The following TNFRSF8 variants were observed in gnomAD, a reference collection of about 807,000 sequenced individuals.
TNFRSF8 encodes TNF receptor superfamily member 8, also known as tumor necrosis factor receptor superfamily member 8.
A neutral mutation model predicts 70.8 loss-of-function variants in TNFRSF8; 26 were observed. The observed-to-expected ratio is 0.37, with a 90% CI of 0.27 to 0.51. The LOEUF (loss-of-function observed/expected upper bound fraction) is 0.51. Ranked by LOEUF, TNFRSF8 falls within the 20% of genes least tolerant of loss-of-function variation. TNFRSF8 has a pLI of 0.94. For synonymous variants in TNFRSF8, 356 were observed against 339.2 expected, an observed-to-expected ratio of 1.05 and a Z score of -0.54; for missense variants, 720 against 807.9, an observed-to-expected ratio of 0.89 and a Z score of 1.32.
At chr1:12,076,100 TTTC>T (rs1405368743) in intron 1 of TNFRSF8, among the ~76,000 whole-genome samples, 1,528 of 89,894 alleles carry the variant, frequency 0.017, 43 homozygotes, top group African/African-American at 0.13. Flanking sequence ...TTTTTTTCTT[TTTC>T]TTTTTTTTTT....
At chr1:12,105,140 G>C (rs1045091346) in intron 4 of TNFRSF8, among the ~76,000 whole-genome samples, 2 of 152,152 alleles carry the variant, frequency 1.3e-5, no homozygotes, top group African/African-American at 2.4e-5. Context: ...GAGTGGGTGG[G>C]CTTTGGAGCA....
intron 10 of TNFRSF8, 37 bp from the exon 11 acceptor site, chr1:12,125,914 A>T (rs914314783): frequency 6.4e-7 from 1 of 1,566,160 alleles, no homozygotes; most frequent in African/African-American, 1.4e-5. Context: ...GTGTGGTTGC[A>T]GCAAGGCAAA....
At chr1:12,093,409 G>A (rs1016764377) in intron 2 of TNFRSF8, among the ~76,000 whole-genome samples, 3 of 152,190 alleles carry the variant, frequency 2.0e-5, no homozygotes, top group African/African-American at 7.2e-5. Flanking sequence ...CACAGTGTGA[G>A]GCCTGGGAGT....
At position 12,123,329 on chromosome 1, in the gene TNFRSF8, C is replaced by T. The variant is rs748368945; in HGVS notation, c.992C>T (p.Thr331Ile). Residue 331 changes from threonine (T) to isoleucine (I), a missense_variant, in exon 9 of 15, where the codon ACC (threonine) becomes ATC (isoleucine). Transcript: ENST00000263932. ...DTTFEAPPLG[T>I]QPDCNPTPEN... Reference sequence around the variant, plus strand: ...ACCTTTGAGGCGCCACCCCTGGGGACCCAGCCGGACTGCAACCCCACCCCA... The same window carrying T: ...ACCTTTGAGGCGCCACCCCTGGGGATCCAGCCGGACTGCAACCCCACCCCA... The T allele has an allele frequency of 5.0e-6, 8 of 1,613,312 alleles. No individual in the cohort carries two copies. Among genetic ancestry groups the T allele is most frequent in the Non-Finnish European group, 6.8e-6 (8 of 1,179,818 alleles).
At chr1:12,076,506 C>A (rs969125746) in intron 1 of TNFRSF8, among the ~76,000 whole-genome samples, 1 of 152,168 alleles carries the variant, frequency 6.6e-6, no homozygotes, top group Admixed American at 6.6e-5. Flanking sequence ...GCTTGCCTGT[C>A]CCTGAGTTCC....
At chr1:12,127,384 C>T (rs1002267999) in intron 12 of TNFRSF8, among the ~76,000 whole-genome samples, 1 of 152,256 alleles carries the variant, frequency 6.6e-6, no homozygotes, top group African/African-American at 2.4e-5. Context: ...CACAGCCTGG[C>T]AGTGGCACAG....
At position 12,138,315 on chromosome 1, in the gene TNFRSF8, C is replaced by T. The variant is rs200763197; in HGVS notation, c.1422C>T (p.Ser474=). ...AGCCACTGATGGAGACCTGCCACAG[C>T]GTGGGGGCAGCCTACCTGGAGAGCC... ...MSQPLMETCH[S]VGAAYLESLP... Residue 474 remains serine, a synonymous_variant, in exon 14 of 15, where the codon AGC becomes AGT. Transcript: ENST00000263932. This position sits in a 1 kb window ranked among gnomAD's most constrained non-coding sequence, Gnocchi z 5.7. 6.6e-5 allele frequency: 106 copies of T among 1,613,738 alleles called. No individual in the cohort carries two copies. Among genetic ancestry groups the T allele is most frequent in the Non-Finnish European group, 7.7e-5 (91 of 1,179,964 alleles).
rs1641784553 is a variant in TNFRSF8, at chr1:12,119,020, A to G, written c.946+3291A>G. 6.6e-6 allele frequency among the ~76,000 whole-genome samples: 1 copy of G among 152,108 alleles called. No individual in the cohort carries two copies. The highest frequency in any genetic ancestry group is 6.5e-5 in the Admixed American group (1 of 15,274). ...GCTGGGATTACAGGCACGCGCCACC[A>G]CGCCTGGCTAATTTTTGTATTTTTA... On this transcript the variant is annotated intron_variant, in intron 8 of 14. Coordinates refer to ENST00000263932, the MANE Select transcript of TNFRSF8 (RefSeq NM_001243.5). The surrounding 1 kb of genome is among the most constrained non-coding windows in gnomAD (Gnocchi z 4.4).
intron 7 of TNFRSF8, among the ~76,000 whole-genome samples, chr1:12,114,190 A>G (rs890858209): frequency 4.6e-5 from 7 of 151,954 alleles, no homozygotes; most frequent in African/African-American, 1.7e-4. Context: ...AGGTTTCCTA[A>G]CCTCTCTGTG....
intron 2 of TNFRSF8, among the ~76,000 whole-genome samples, chr1:12,086,965 A>G (rs1382215453): frequency 1.3e-5 from 2 of 151,878 alleles, no homozygotes; most frequent in South Asian, 2.1e-4. Context: ...GGGGGACACA[A>G]TTCAGTCCAT....
intron 2 of TNFRSF8, among the ~76,000 whole-genome samples, chr1:12,086,412 C>A (rs1446952878): frequency 6.6e-6 from 1 of 151,816 alleles, no homozygotes; most frequent in African/African-American, 2.4e-5. Context: ...TTAGGTGGGT[C>A]CCCTGGTTTT....
chr1:12,100,536 T>C (rs1275172595), intron 3 of TNFRSF8, among the ~76,000 whole-genome samples: 1 of 152,170 alleles, frequency 6.6e-6, no homozygotes, highest in Non-Finnish European at 1.5e-5. Flanking sequence ...CACTTTTTTC[T>C]ACTTTAAAAT....
chr1:12,094,964 T>C (rs908068683), intron 2 of TNFRSF8, among the ~76,000 whole-genome samples: 1 of 152,028 alleles, frequency 6.6e-6, no homozygotes. Context: ...CGTGTTGTTC[T>C]AGGGCAGAGG....
chr1:12,087,318 C>T (rs1419494759), intron 2 of TNFRSF8, among the ~76,000 whole-genome samples: 1 of 152,064 alleles, frequency 6.6e-6, no homozygotes, highest in Admixed American at 6.6e-5. Flanking sequence ...CAGGCATGTG[C>T]CACCACACCC....
chr1:12,093,651 C>A (rs1468033876), intron 2 of TNFRSF8, among the ~76,000 whole-genome samples: 1 of 152,114 alleles, frequency 6.6e-6, no homozygotes, highest in Non-Finnish European at 1.5e-5. Flanking sequence ...AGTGATTCTC[C>A]TGCCTCAGCC....
intron 9 of TNFRSF8, 86 bp downstream of exon 9, chr1:12,123,463 G>T: frequency 7.5e-7 from 1 of 1,332,206 alleles, no homozygotes; most frequent in African/African-American, 1.5e-5. Context: ...GGAGGCAGCT[G>T]GGCTGGGGGT....
At chr1:12,120,663 T>G (rs929746465) in intron 8 of TNFRSF8, among the ~76,000 whole-genome samples, 1 of 151,966 alleles carries the variant, frequency 6.6e-6, no homozygotes, top group African/African-American at 2.4e-5. Flanking sequence ...GTAAATAATA[T>G]TTTTTTTAGT....
chr1:12,130,213 G>A (rs1330550714), intron 12 of TNFRSF8, among the ~76,000 whole-genome samples: 1 of 152,140 alleles, frequency 6.6e-6, no homozygotes, highest in Non-Finnish European at 1.5e-5. Flanking sequence ...GCCCAGCCCA[G>A]AACTTAATTT....
rs141133098 is a variant in TNFRSF8 at position 12,112,509 on chromosome 1, C to G, written c.793+495C>G. 2.2e-4 allele frequency among the ~76,000 whole-genome samples: 33 copies of G among 152,162 alleles called. No homozygotes were observed. The highest frequency in any genetic ancestry group is 7.5e-4 in the African/African-American group (31 of 41,518). ...GGATCACATGATCCTTTTGCCTCAG[C>G]CTTTCAAGTGGCTGGGACTATAGGT... On this transcript the variant is annotated intron_variant, in intron 7 of 14. Coordinates refer to ENST00000263932, the MANE Select transcript of TNFRSF8 (RefSeq NM_001243.5). The surrounding 1 kb of genome is among the most constrained non-coding windows in gnomAD (Gnocchi z 5.3).
Sources: allele counts gnomAD v4.1 joint callset (sites outside exome capture counted in the v4.1 genomes callset), GRCh38; gene constraint gnomAD v4.1.1; non-coding constraint Gnocchi (gnomAD v3.1); transcripts MANE v1.5; gene names NCBI Gene and HGNC (gene_info 2026-07-23, HGNC 2026-07-21).